GIPC2: variants seen among roughly 807,000 people sequenced by gnomAD.
The protein encoded by GIPC2 is PDZ domain-containing protein GIPC2.
Under a neutral mutation model 30.6 loss-of-function variants are expected in GIPC2, and 30 were observed. The observed-to-expected ratio is 0.98, with a 90% confidence interval of 0.73 to 1.33. The LOEUF (loss-of-function observed/expected upper bound fraction) is 1.33, where lower values mean the gene tolerates loss of function less well. GIPC2 is among the 40% of genes most tolerant of loss of function. The pLI is 0.00. For missense variants in GIPC2, 414 were observed against 390.3 expected (o/e 1.06, Z -0.51); for synonymous variants, 167 against 150.0 (o/e 1.11, Z -0.83).
At chr1:78,128,530 A>C (rs1662827420) in intron 5 of GIPC2, among the ~76,000 whole-genome samples, 1 of 152,224 alleles carries the variant, frequency 6.6e-6, no homozygotes, top group Admixed American at 6.5e-5. Flanking sequence ...ACATAAATCA[A>C]ATTTAGAATA....
intron 1 of GIPC2, among the ~76,000 whole-genome samples, chr1:78,078,187 C>CAAAAAAAA (rs10694093): frequency 3.1e-5 from 2 of 65,092 alleles, no homozygotes; most frequent in Admixed American, 2.1e-4. Context: ...GACTCCATCT[C>CAAAAAAAA]AAAAAAAAAA....
intron 1 of GIPC2, among the ~76,000 whole-genome samples, chr1:78,063,852 G>A (rs1278856): frequency 6.3e-5 from 9 of 142,414 alleles, no homozygotes; most frequent in East Asian, 2.1e-4. Flanking sequence ...AGATTGTGCC[G>A]CTGCACTCCA....
chr1:78,128,662 G>A (rs542208130), intron 5 of GIPC2, among the ~76,000 whole-genome samples: 10 of 152,152 alleles, frequency 6.6e-5, no homozygotes, highest in East Asian at 5.8e-4. Flanking sequence ...ACACACATAC[G>A]CATAGATGTA....
chr1:78,076,682 C>T (rs1456039587), intron 1 of GIPC2, among the ~76,000 whole-genome samples: 1 of 152,166 alleles, frequency 6.6e-6, no homozygotes, highest in Admixed American at 6.5e-5. Context: ...AGGGCTGGTA[C>T]CAGTCTGCAG....
At chr1:78,057,984 G>A (rs1359413880) in intron 1 of GIPC2, among the ~76,000 whole-genome samples, 1 of 152,144 alleles carries the variant, frequency 6.6e-6, no homozygotes, top group African/African-American at 2.4e-5. Context: ...TAGAAAAAAG[G>A]ACCTAGAAGC....
chr1:78,111,364 A>G (rs1488294127), intron 3 of GIPC2, among the ~76,000 whole-genome samples: 3 of 152,166 alleles, frequency 2.0e-5, no homozygotes, highest in Admixed American at 6.5e-5. Context: ...CCCATTACAA[A>G]GTGCCCTGTG....
chr1:78,112,465 T>C, intron 3 of GIPC2: 1 of 519,036 alleles, frequency 1.9e-6, no homozygotes, highest in Non-Finnish European at 3.8e-6. Context: ...TACAGCAGTG[T>C]CCATCTGTGC....
intron 5 of GIPC2, among the ~76,000 whole-genome samples, chr1:78,133,287 A>G (rs920591487): frequency 6.6e-6 from 1 of 152,246 alleles, no homozygotes; most frequent in African/African-American, 2.4e-5. Flanking sequence ...ATGTCAGTGC[A>G]GAGCAATGTT....
intron 1 of GIPC2, among the ~76,000 whole-genome samples, chr1:78,063,040 C>A (rs1661423436): frequency 6.6e-6 from 1 of 152,162 alleles, no homozygotes; most frequent in Non-Finnish European, 1.5e-5. Flanking sequence ...CCTTAGCAGA[C>A]CCAAAGGCTT....
rs755305218 is a variant in GIPC2, at chr1:78,046,372, C to CCGCGA, written c.240+42_240+43insACGCG. On this transcript the variant is annotated intron_variant, in intron 1 of 5. Coordinates refer to ENST00000370759, the MANE Select transcript of GIPC2 (RefSeq NM_017655.6). ...GTGCTCAGGCTCTCCCGCCTCTCCG[C>CCGCGA]CGCGCCGCGCCGCGCCGCGCGTATT... 4.2e-6 allele frequency: 6 copies of CCGCGA among 1,425,844 alleles called. No individual in the cohort carries two copies. In the South Asian group the frequency reaches 7.2e-5, roughly 17 times the overall value. The allele number at this position is 1,425,844 out of a possible 1,614,324, so 88.3% of individuals were successfully genotyped here.
intron 3 of GIPC2, among the ~76,000 whole-genome samples, chr1:78,111,855 T>C (rs1662471334): frequency 6.6e-6 from 1 of 152,266 alleles, no homozygotes; most frequent in African/African-American, 2.4e-5. Flanking sequence ...ACTGGGGTTT[T>C]AACTAAGGTG....
intron 1 of GIPC2, among the ~76,000 whole-genome samples, chr1:78,075,072 G>A (rs1661692370): frequency 6.6e-6 from 1 of 152,152 alleles, no homozygotes; most frequent in Non-Finnish European, 1.5e-5. Flanking sequence ...TCTGGGATAG[G>A]ACTGTGTATC....
At chr1:78,106,234 CAA>C (rs768556241) in intron 3 of GIPC2, among the ~76,000 whole-genome samples, 15 of 52,784 alleles carry the variant, frequency 2.8e-4, no homozygotes, top group East Asian at 5.7e-4. Context: ...GACTCTGTCT[CAA>C]AAAAAAAAAA....
chr1:78,071,032 C>T (rs572441983), intron 1 of GIPC2, among the ~76,000 whole-genome samples: 7 of 152,236 alleles, frequency 4.6e-5, no homozygotes, highest in African/African-American at 1.7e-4. Flanking sequence ...TTCTAAATAT[C>T]TGTCTTGTCG....
intron 3 of GIPC2, among the ~76,000 whole-genome samples, chr1:78,114,359 T>C (rs1662528841): frequency 6.6e-6 from 1 of 152,342 alleles, no homozygotes; most frequent in South Asian, 2.1e-4. Flanking sequence ...ACCCCAAAAG[T>C]AGGCCAGGCT....
intron 3 of GIPC2, among the ~76,000 whole-genome samples, chr1:78,115,651 C>G (rs1662554614): frequency 6.6e-6 from 1 of 152,212 alleles, no homozygotes. Context: ...CATACTATAA[C>G]TGGCAAGGCC....
At chr1:78,104,162 C>T (rs960865793) in intron 3 of GIPC2, among the ~76,000 whole-genome samples, 10 of 135,066 alleles carry the variant, frequency 7.4e-5, no homozygotes, top group Admixed American at 7.1e-4. Flanking sequence ...TGTGCCATGC[C>T]AGTGGTGTGT....
intron 4 of GIPC2, among the ~76,000 whole-genome samples, chr1:78,120,198 A>G (rs1262427653): frequency 4.6e-5 from 7 of 152,236 alleles, no homozygotes; most frequent in East Asian, 3.8e-4. Flanking sequence ...AGTCCTCAGA[A>G]TGACCAACAT....
At chr1:78,065,202 T>A (rs1366295086) in intron 1 of GIPC2, among the ~76,000 whole-genome samples, 1 of 152,192 alleles carries the variant, frequency 6.6e-6, no homozygotes, top group Non-Finnish European at 1.5e-5. Flanking sequence ...CTTACAGGAC[T>A]GTAATTAAAA....
Sources: allele counts gnomAD v4.1 joint callset (sites outside exome capture counted in the v4.1 genomes callset), GRCh38; gene constraint gnomAD v4.1.1; transcripts MANE v1.5; gene names NCBI Gene and HGNC (gene_info 2026-07-23, HGNC 2026-07-21).